The following PTPRR variants were observed in gnomAD, a reference collection of about 807,000 sequenced individuals.
The protein encoded by PTPRR is protein tyrosine phosphatase receptor type R.
PTPRR carries 38 observed loss-of-function variants against 77.2 expected under a neutral mutation model. The ratio of observed to expected loss-of-function variants is 0.49; its 90% CI spans 0.38 to 0.65. PTPRR has a LOEUF of 0.65. Ranked by LOEUF, PTPRR falls within the 30% of genes least tolerant of loss-of-function variation. The probability of loss-of-function intolerance (pLI) is 0.00; values close to 1 mark genes in which losing one functional copy is unlikely to be tolerated. For synonymous variants in PTPRR, 299 were observed against 283.1 expected (o/e 1.06, Z -0.57); for missense variants, 744 against 799.2 (o/e 0.93, Z 0.83).
Position 70,754,201 on chromosome 12 carries a change from G to T in PTPRR, c.728C>A (p.Thr243Lys). 1 of 1,612,868 alleles carries T rather than the reference G, an allele frequency of 6.2e-7. No individual in the cohort carries two copies. Among genetic ancestry groups the T allele is most frequent in the Non-Finnish European group, 8.5e-7 (1 of 1,179,564 alleles). ...AAGAAGCAAACTTACCATCAAACAC[G>T]TTACTATAATAACAAAGATGCTGAG... is the stretch of plus-strand genomic sequence containing the variant. ...IFLSIFVIIVTCLMILYRLKE... is the reference protein window; with the variant it reads ...IFLSIFVIIVKCLMILYRLKE... The change falls in exon 5 of 14, where the codon ACG becomes AAG. Residue 243 changes from threonine to lysine, a missense_variant. By Grantham distance (78) the Thr-to-Lys change is moderately conservative (BLOSUM62 -1). Coordinates refer to ENST00000283228, the MANE Select transcript of PTPRR (RefSeq NM_002849.4).
At chr12:70,764,898 A>T in intron 2 of PTPRR, 120 bp from the exon 3 acceptor site, 1 of 692,508 alleles carries the variant, frequency 1.4e-6, no homozygotes, top group Non-Finnish European at 2.5e-6. Flanking sequence ...ATGACTGACC[A>T]CAGTTTCTGT....
intron 2 of PTPRR, among the ~76,000 whole-genome samples, chr12:70,874,652 G>C (rs1274017991): frequency 6.6e-6 from 1 of 152,106 alleles, no homozygotes; most frequent in Non-Finnish European, 1.5e-5. Flanking sequence ...GGCCAGGCAC[G>C]GTGGCTCACG....
Position 70,776,318 on chromosome 12 carries a change from TC to T in PTPRR, c.358-11541del, listed in dbSNP as rs1891087397. Among the ~76,000 whole-genome samples, 5 of 152,194 alleles carry T rather than the reference TC, an allele frequency of 3.3e-5. No homozygotes were observed. The South Asian group carries it at 1.0e-3, about 32-fold the overall frequency. ...AACCCATATTTTCTTTATCTATATT[TC>T]CATCATTTTAGTTCAGATCATCACC... is the stretch of plus-strand genomic sequence containing the variant. On this transcript the variant is annotated intron_variant, in intron 2 of 13. Transcript: ENST00000283228.
intron 6 of PTPRR, among the ~76,000 whole-genome samples, chr12:70,707,920 G>C (rs1888676456): frequency 6.6e-6 from 1 of 152,012 alleles, no homozygotes; most frequent in South Asian, 2.1e-4. Flanking sequence ...TTTGACGTAA[G>C]ATGCTTCCTA....
intron 1 of PTPRR, among the ~76,000 whole-genome samples, chr12:70,913,784 C>T (rs1054457528): frequency 6.6e-6 from 1 of 152,082 alleles, no homozygotes; most frequent in African/African-American, 2.4e-5. Context: ...TCTTTATGGT[C>T]ATGAAGATGA....
intron 2 of PTPRR, among the ~76,000 whole-genome samples, chr12:70,832,135 G>T (rs1418172931): frequency 6.6e-6 from 1 of 152,168 alleles, no homozygotes; most frequent in Admixed American, 6.5e-5. Context: ...TGTTCCTGTC[G>T]CTCCATATGC....
Position 70,661,065 on chromosome 12 carries a change from G to A in PTPRR, c.1641C>T (p.Tyr547=), listed in dbSNP as rs146928838. The A allele has an allele frequency of 3.7e-6, 6 of 1,612,674 alleles. No homozygotes were observed. In the Admixed American group the frequency reaches 8.3e-5, roughly 22 times the overall value. Residue 547 remains tyrosine (Y), a synonymous_variant, in exon 12 of 14, where the codon TAC becomes TAT. Coordinates refer to ENST00000283228, the MANE Select transcript of PTPRR (RefSeq NM_002849.4). ...QGSHTQHVKH[Y]WYTSWPDHKT... is the part of the protein sequence containing the mutation. ...TGTGATCAGGCCATGAGGTGTACCA[G>A]TAATGCTTCACATGTTGGGTGTGGC... is the stretch of plus-strand genomic sequence containing the variant.
At chr12:70,707,149 T>C (rs1888648111) in intron 6 of PTPRR, among the ~76,000 whole-genome samples, 1 of 152,236 alleles carries the variant, frequency 6.6e-6, no homozygotes, top group East Asian at 1.9e-4. Flanking sequence ...TTTTTCATAC[T>C]TCAAGTCCTT....
chr12:70,645,493 A>C (rs1023461636), intron 13 of PTPRR, among the ~76,000 whole-genome samples: 1 of 152,118 alleles, frequency 6.6e-6, no homozygotes. Context: ...GTCATTATCA[A>C]TTGGGTCACC....
intron 8 of PTPRR, among the ~76,000 whole-genome samples, chr12:70,685,894 T>C (rs1365377755): frequency 6.6e-6 from 1 of 152,198 alleles, no homozygotes; most frequent in Non-Finnish European, 1.5e-5. Flanking sequence ...GGTTAAATAA[T>C]TTGCCCAAAG....
chr12:70,761,905 T>C (rs1383450030), intron 3 of PTPRR, among the ~76,000 whole-genome samples: 1 of 152,218 alleles, frequency 6.6e-6, no homozygotes, highest in Non-Finnish European at 1.5e-5. Context: ...TACCATTCCA[T>C]ATTGTAATTT....
chr12:70,773,141 T>C (rs1470838619), intron 2 of PTPRR, among the ~76,000 whole-genome samples: 4 of 152,142 alleles, frequency 2.6e-5, no homozygotes, highest in Non-Finnish European at 2.9e-5. Flanking sequence ...GTCCAAATTT[T>C]CCCTTTTTAT....
chr12:70,890,190 C>A (rs1158173095), intron 2 of PTPRR, among the ~76,000 whole-genome samples: 4 of 152,124 alleles, frequency 2.6e-5, no homozygotes, highest in African/African-American at 4.8e-5. Flanking sequence ...CATTCAATAT[C>A]TTCTCTACAT....
At chr12:70,812,886 C>T (rs1891835310) in intron 2 of PTPRR, among the ~76,000 whole-genome samples, 1 of 152,318 alleles carries the variant, frequency 6.6e-6, no homozygotes. Context: ...GTACCCCTGG[C>T]TTTCTGGAGC....
chr12:70,698,352 G>A lies in PTPRR; in HGVS notation c.1195-3C>T, dbSNP rs112712974. The A allele has an allele frequency of 5.9e-5, 95 of 1,610,364 alleles. No individual in the cohort carries two copies. The highest frequency in any genetic ancestry group is 2.7e-4 in the African/African-American group (20 of 74,894). On this transcript the variant is annotated splice_polypyrimidine_tract_variant and splice_region_variant and intron_variant, in intron 7 of 13. Coordinates refer to ENST00000283228, the MANE Select transcript of PTPRR (RefSeq NM_002849.4). ...TCCACAAAGTTCATTGGTATTTCCT[G>A]CAAAAATAAATAATATCAAATTAGT...
intron 2 of PTPRR, among the ~76,000 whole-genome samples, chr12:70,883,856 A>C (rs1893190326): frequency 6.6e-6 from 1 of 152,186 alleles, no homozygotes; most frequent in Non-Finnish European, 1.5e-5. Context: ...TTATACAATG[A>C]AGCTCCTACA....
At chr12:70,652,533 G>A (rs17108535) in intron 13 of PTPRR, among the ~76,000 whole-genome samples, 9,249 of 152,240 alleles carry the variant, frequency 0.061, 444 homozygotes, top group Admixed American at 0.15. Flanking sequence ...AATGCAGAAA[G>A]GGTCTTGATG....
chr12:70,870,584 C>A (rs567539648), intron 2 of PTPRR, among the ~76,000 whole-genome samples: 1 of 152,156 alleles, frequency 6.6e-6, no homozygotes, highest in Non-Finnish European at 1.5e-5. Context: ...CATATGCTTC[C>A]GGCACTGTTA....
At chr12:70,836,455 A>C (rs577711271) in intron 2 of PTPRR, among the ~76,000 whole-genome samples, 1 of 152,038 alleles carries the variant, frequency 6.6e-6, no homozygotes, top group Admixed American at 6.6e-5. Flanking sequence ...ATTTTGCTGC[A>C]CTTCTGCAGA....
Sources: gnomAD v4.1 joint callset for allele counts (sites outside exome capture counted in the v4.1 genomes callset) on GRCh38, gnomAD v4.1.1 for gene constraint, MANE v1.5 for transcripts, NCBI Gene and HGNC (gene_info 2026-07-23, HGNC 2026-07-21) for gene names.